The following RNF150 variants were observed in gnomAD, a reference collection of about 807,000 sequenced individuals.
RNF150 encodes ring finger protein 150.
A neutral mutation model predicts 39.3 loss-of-function variants in RNF150; 24 were observed. The ratio of observed to expected loss-of-function variants is 0.61; its 90% confidence interval spans 0.44 to 0.86. RNF150 has a LOEUF of 0.86. Ranked by LOEUF, RNF150 falls within the 40% of genes least tolerant of loss-of-function variation. The pLI, the probability that RNF150 is intolerant of heterozygous loss-of-function variation, is 0.00. For synonymous variants in RNF150, 255 were observed against 227.3 expected, an observed-to-expected ratio of 1.12 and a Z score of -1.10; for missense variants, 502 against 587.8, an observed-to-expected ratio of 0.85 and a Z score of 1.51.
rs1728045717 is a variant in RNF150, at chr4:141,188,180, T to C, written c.-6+24614A>G. ...AAGAACGTTGAATATTGGTTCCCAC[T>C]CTCTTCTGGCTTGCAGGGTTTCTCC... is the stretch of plus-strand genomic sequence containing the variant. On this transcript the variant is annotated intron_variant, in intron 1 of 7. Transcript: ENST00000420921. Among the ~76,000 whole-genome samples the C allele has an allele frequency of 4.6e-5, 7 of 152,210 alleles. No homozygotes were observed. In the South Asian group the frequency reaches 1.4e-3, roughly 31 times the overall value.
intron 1 of RNF150, among the ~76,000 whole-genome samples, chr4:141,182,678 A>G (rs1560771289): frequency 2.3e-5 from 1 of 43,252 alleles, no homozygotes; most frequent in Non-Finnish European, 4.6e-5. Flanking sequence ...AGGAAATAAA[A>G]GAGGACACAA....
intron 1 of RNF150, among the ~76,000 whole-genome samples, chr4:141,198,219 G>T (rs568016837): frequency 1.3e-5 from 2 of 151,908 alleles, no homozygotes; most frequent in South Asian, 2.1e-4. Context: ...TAGAGACGCG[G>T]TTTCACCATG....
chr4:141,007,392 C>T (rs1413971090), intron 1 of RNF150, among the ~76,000 whole-genome samples: 1 of 152,110 alleles, frequency 6.6e-6, no homozygotes, highest in Admixed American at 6.5e-5. Flanking sequence ...ATAACTTTGG[C>T]CTAATTAGTA....
chr4:141,003,403 C>T (rs930494801), intron 1 of RNF150, among the ~76,000 whole-genome samples: 8 of 152,120 alleles, frequency 5.3e-5, no homozygotes, highest in South Asian at 2.1e-4. Flanking sequence ...AGACTGTTTG[C>T]CAAAGTCCAT....
At chr4:141,179,520 T>C (rs1260599899) in intron 1 of RNF150, among the ~76,000 whole-genome samples, 1 of 152,224 alleles carries the variant, frequency 6.6e-6, no homozygotes, top group Non-Finnish European at 1.5e-5. Flanking sequence ...CAGTGTCCTT[T>C]CACAACTGCT....
intron 1 of RNF150, among the ~76,000 whole-genome samples, chr4:141,051,457 C>A (rs920132556): frequency 3.3e-5 from 5 of 152,184 alleles, no homozygotes; most frequent in Non-Finnish European, 7.3e-5. Flanking sequence ...CCTTATAAAA[C>A]TGACTGCCTT....
In RNF150 at chr4:141,162,173, G is replaced by A. The variant is rs549546306; in HGVS notation, c.-6+50621C>T. 1.4e-3 allele frequency among the ~76,000 whole-genome samples: 219 copies of A among 152,326 alleles called. 1 individual carries two copies. Among genetic ancestry groups the A allele is most frequent in the African/African-American group, 5.0e-3 (208 of 41,582 alleles). On this transcript the variant is annotated intron_variant, in intron 1 of 7. Transcript: ENST00000420921. ...GGCTATACACTGTAAAGCCACAGGG[G>A]CAGAACTGCCTAAGGCCTTGGGAGC... is the stretch of plus-strand genomic sequence containing the variant.
chr4:141,099,115 T>C (rs1738911741), intron 1 of RNF150, among the ~76,000 whole-genome samples: 1 of 152,148 alleles, frequency 6.6e-6, no homozygotes, highest in Admixed American at 6.5e-5. Flanking sequence ...TTATTTTTTA[T>C]AATTTTAATA....
At chr4:141,162,912 GT>G in intron 1 of RNF150, among the ~76,000 whole-genome samples, 1 of 152,290 alleles carries the variant, frequency 6.6e-6, no homozygotes, top group South Asian at 2.1e-4. Context: ...CTGCAAGAGT[GT>G]TTTTCGTACC....
chr4:141,147,550 A>G (rs1475651529), intron 1 of RNF150, among the ~76,000 whole-genome samples: 1 of 152,222 alleles, frequency 6.6e-6, no homozygotes, highest in East Asian at 1.9e-4. Flanking sequence ...GTGTATCTCT[A>G]TGTACACAAG....
At chr4:140,988,551 C>CAT (rs1012073992) in intron 1 of RNF150, among the ~76,000 whole-genome samples, 2 of 152,052 alleles carry the variant, frequency 1.3e-5, no homozygotes, top group African/African-American at 4.8e-5. Flanking sequence ...AGGTTTGTTA[C>CAT]ATATGTATAC....
chr4:140,914,453 G>C (rs1560963303), intron 5 of RNF150, among the ~76,000 whole-genome samples: 1 of 152,192 alleles, frequency 6.6e-6, no homozygotes, highest in Non-Finnish European at 1.5e-5. Context: ...GTTAGCATGG[G>C]AAACCCCTCA....
intron 1 of RNF150, among the ~76,000 whole-genome samples, chr4:141,082,700 T>C (rs1356204957): frequency 6.6e-6 from 1 of 151,404 alleles, no homozygotes; most frequent in Non-Finnish European, 1.5e-5. Flanking sequence ...GCCATTCTCC[T>C]GCCTCAGCCT....
intron 1 of RNF150, among the ~76,000 whole-genome samples, chr4:140,989,518 A>G (rs1161361700): frequency 1.3e-5 from 2 of 152,152 alleles, no homozygotes; most frequent in East Asian, 3.9e-4. Flanking sequence ...GTGGCAGCCT[A>G]TAAGTAGGTC....
chr4:141,131,827 A>T (rs1725568307), intron 1 of RNF150, among the ~76,000 whole-genome samples: 1 of 151,724 alleles, frequency 6.6e-6, no homozygotes, highest in Admixed American at 6.6e-5. Context: ...AAGTGCGTAA[A>T]CCCAAAAGGG....
At chr4:141,047,621 G>T (rs1433296701) in intron 1 of RNF150, among the ~76,000 whole-genome samples, 1 of 152,110 alleles carries the variant, frequency 6.6e-6, no homozygotes, top group Non-Finnish European at 1.5e-5. Context: ...ATTAAGTGTG[G>T]TTAAAATGGA....
At chr4:141,078,750 A>G (rs913735790) in intron 1 of RNF150, among the ~76,000 whole-genome samples, 3 of 140,422 alleles carry the variant, frequency 2.1e-5, no homozygotes, top group African/African-American at 8.1e-5. Flanking sequence ...AGATCGTGCC[A>G]CTGCACTCCA....
intron 1 of RNF150, among the ~76,000 whole-genome samples, chr4:141,019,158 T>C (rs574573496): frequency 1.3e-4 from 19 of 150,042 alleles, no homozygotes; most frequent in Non-Finnish European, 2.5e-4. Context: ...TGAAACATAA[T>C]TACTTGCTCT....
Position 141,110,232 on chromosome 4 carries a change from T to G in RNF150, c.484+22093A>C, listed in dbSNP as rs181894192. Among the ~76,000 whole-genome samples, 374 of 152,298 alleles carry G rather than the reference T, an allele frequency of 2.5e-3. 7 individuals carry two copies. The highest frequency in any genetic ancestry group is 5.8e-4 in the East Asian group (3 of 5,186). On this transcript the variant is annotated intron_variant, in intron 1 of 6. Transcript: ENST00000515673. ...ATCCTTCCTTACTGGAGACAGCACT[T>G]GCTTATGGGCCCAGAGAAGGCACCA...
Sources: gnomAD v4.1 joint callset for allele counts (sites outside exome capture counted in the v4.1 genomes callset) on GRCh38, gnomAD v4.1.1 for gene constraint, MANE v1.5 for transcripts, NCBI Gene and HGNC (gene_info 2026-07-23, HGNC 2026-07-21) for gene names.